The following FSTL5 variants were observed in gnomAD, a reference collection of about 807,000 sequenced individuals.
FSTL5 encodes the protein follistatin-related protein 5.
FSTL5 carries 62 observed loss-of-function variants against 89.1 expected under a neutral mutation model. The ratio of observed to expected loss-of-function variants is 0.70; its 90% CI spans 0.57 to 0.86. The LOEUF (loss-of-function observed/expected upper bound fraction) is 0.86, where lower values mean the gene tolerates loss of function less well. Ranked by LOEUF, FSTL5 falls within the 40% of genes least tolerant of loss-of-function variation. The pLI is 0.00. For missense variants in FSTL5, 1,057 were observed against 1,001.6 expected (o/e 1.06, Z -0.75); for synonymous variants, 383 against 346.2 (o/e 1.11, Z -1.18).
intron 6 of FSTL5, among the ~76,000 whole-genome samples, chr4:161,668,596 C>A (rs972810250): frequency 2.6e-5 from 4 of 152,222 alleles, no homozygotes; most frequent in Middle Eastern, 3.4e-3. Context: ...CTCTTCTAGG[C>A]ATAGATGCAA....
At chr4:161,451,244 G>T (rs1312534963) in intron 15 of FSTL5, among the ~76,000 whole-genome samples, 1 of 151,762 alleles carries the variant, frequency 6.6e-6, no homozygotes, top group Non-Finnish European at 1.5e-5. Flanking sequence ...TTAATTTCTT[G>T]CTTAAGTTTA....
intron 15 of FSTL5, among the ~76,000 whole-genome samples, chr4:161,425,635 A>G (rs1732143213): frequency 6.6e-6 from 1 of 152,200 alleles, no homozygotes; most frequent in Admixed American, 6.5e-5. Flanking sequence ...AAGGCATTAG[A>G]GAGAAGAATA....
chr4:161,945,206 A>G (rs1360461286), intron 3 of FSTL5, among the ~76,000 whole-genome samples: 1 of 152,164 alleles, frequency 6.6e-6, no homozygotes, highest in Admixed American at 6.6e-5. Context: ...CCAGACAAAT[A>G]CTACTTATAC....
chr4:161,656,478 A>G lies in FSTL5; in HGVS notation c.744T>C (p.Ser248=), dbSNP rs114905908. 8.8e-6 allele frequency: 14 copies of G among 1,591,104 alleles called. No individual in the cohort carries two copies. In the African/African-American group the frequency reaches 1.5e-4, roughly 17 times the overall value. The change falls in exon 7 of 16, where the codon AGT becomes AGC. Residue 248 remains serine (S), a synonymous_variant. Coordinates refer to ENST00000306100, the MANE Select transcript of FSTL5 (RefSeq NM_020116.5). ...FYRAFQVIQL[S]LPEDQKLSIT... is the part of the protein sequence containing the mutation. The stretch of plus-strand genomic sequence containing the variant: ...TGCTTAGTTTCTGATCTTCTGGCAG[A>G]CTCAACTGGATCACTTCTGTAAAGA...
chr4:162,097,415 T>A (rs1017732874), intron 2 of FSTL5, among the ~76,000 whole-genome samples: 5 of 151,866 alleles, frequency 3.3e-5, no homozygotes, highest in African/African-American at 1.2e-4. Flanking sequence ...TGTAGCAAGT[T>A]ATAACTTTCA....
At chr4:161,887,883 T>C (rs1393944574) in intron 4 of FSTL5, among the ~76,000 whole-genome samples, 1 of 152,150 alleles carries the variant, frequency 6.6e-6, no homozygotes, top group African/African-American at 2.4e-5. Context: ...AATAACACCT[T>C]GCCAAGCAAA....
chr4:161,874,032 G>A (rs780116938), intron 4 of FSTL5, among the ~76,000 whole-genome samples: 1 of 151,904 alleles, frequency 6.6e-6, no homozygotes, highest in Non-Finnish European at 1.5e-5. Flanking sequence ...GTATATGGAA[G>A]GTATTATTCT....
intron 4 of FSTL5, among the ~76,000 whole-genome samples, chr4:161,797,996 G>T (rs1455244230): frequency 6.6e-6 from 1 of 151,526 alleles, no homozygotes; most frequent in African/African-American, 2.4e-5. Flanking sequence ...CAAACTAAAA[G>T]TTAGACCTCA....
chr4:161,803,871 C>T (rs1729876365), intron 4 of FSTL5, among the ~76,000 whole-genome samples: 1 of 151,996 alleles, frequency 6.6e-6, no homozygotes. Flanking sequence ...TTGAGCTTCA[C>T]AAAGTTAAAA....
Position 161,620,580 on chromosome 4 carries a change from C to T in FSTL5, c.895-33005G>A, listed in dbSNP as rs941383736. ...CTGAGGTAGGAGAATCGCTTGAACG[C>T]GAAGGGTGGAGGTTGAGATGAGCCG... is the stretch of plus-strand genomic sequence containing the variant. On this transcript the variant is annotated intron_variant, in intron 7 of 15. Coordinates refer to ENST00000306100, the MANE Select transcript of FSTL5 (RefSeq NM_020116.5). Among the ~76,000 whole-genome samples the T allele has an allele frequency of 1.3e-5, 2 of 152,040 alleles. 1 individual carries two copies. Among genetic ancestry groups the T allele is most frequent in the Non-Finnish European group, 2.9e-5 (2 of 68,022 alleles).
chr4:161,830,884 G>A (rs995506782), intron 4 of FSTL5, among the ~76,000 whole-genome samples: 5 of 151,866 alleles, frequency 3.3e-5, no homozygotes, highest in Admixed American at 1.3e-4. Context: ...AGAACGTATT[G>A]CCATCTCCCA....
At chr4:161,835,386 G>C (rs1731003081) in intron 4 of FSTL5, among the ~76,000 whole-genome samples, 1 of 152,116 alleles carries the variant, frequency 6.6e-6, no homozygotes, top group African/African-American at 2.4e-5. Flanking sequence ...TCAGGACATA[G>C]GCATAGGCAA....
intron 8 of FSTL5, among the ~76,000 whole-genome samples, chr4:161,570,894 T>A (rs1045287275): frequency 6.6e-6 from 1 of 151,966 alleles, no homozygotes; most frequent in African/African-American, 2.4e-5. Context: ...GGCAGACGGA[T>A]CACGAGGTCA....
At chr4:161,745,555 C>T (rs1376102123) in intron 6 of FSTL5, among the ~76,000 whole-genome samples, 12 of 151,822 alleles carry the variant, frequency 7.9e-5, no homozygotes. Flanking sequence ...TTTAATTACA[C>T]AGTTTTAGTT....
intron 8 of FSTL5, among the ~76,000 whole-genome samples, chr4:161,571,689 C>T (rs1386966290): frequency 2.0e-5 from 3 of 152,230 alleles, no homozygotes; most frequent in South Asian, 2.1e-4. Context: ...ATACAGTCTT[C>T]AGAAACATTA....
At chr4:161,851,247 C>T (rs191448314) in intron 4 of FSTL5, among the ~76,000 whole-genome samples, 3 of 152,248 alleles carry the variant, frequency 2.0e-5, no homozygotes, top group East Asian at 1.9e-4. Context: ...TATCCTGACA[C>T]CATCTTTCTC....
intron 10 of FSTL5, among the ~76,000 whole-genome samples, chr4:161,521,736 C>A (rs1057235984): frequency 8.7e-5 from 13 of 150,064 alleles, no homozygotes; most frequent in Non-Finnish European, 1.8e-4. Context: ...GTAGTCCCAG[C>A]TACTTGGGAA....
intron 4 of FSTL5, among the ~76,000 whole-genome samples, chr4:161,877,673 A>G (rs1369177759): frequency 3.3e-5 from 5 of 151,498 alleles, no homozygotes; most frequent in Non-Finnish European, 7.4e-5. Context: ...AAAAATACAA[A>G]AAATTAGCCA....
At chr4:161,840,817 T>C (rs905050295) in intron 4 of FSTL5, among the ~76,000 whole-genome samples, 1 of 152,178 alleles carries the variant, frequency 6.6e-6, no homozygotes, top group South Asian at 2.1e-4. Flanking sequence ...ATGAAATGAC[T>C]CTGAGAAGCT....
Sources: allele counts gnomAD v4.1 joint callset (sites outside exome capture counted in the v4.1 genomes callset), GRCh38; gene constraint gnomAD v4.1.1; transcripts MANE v1.5; gene names NCBI Gene and HGNC (gene_info 2026-07-23, HGNC 2026-07-21).